LRBA: variants seen among roughly 807,000 people sequenced by gnomAD.
LRBA encodes lipopolysaccharide-responsive and beige-like anchor protein.
In LRBA, 176 loss-of-function variants were observed where a neutral mutation model predicts 330.0. The observed-to-expected ratio is 0.53, with a 90% CI of 0.47 to 0.60. LRBA has a LOEUF of 0.60. Among genes scored for constraint, LRBA ranks in the 20% least tolerant of loss-of-function variants. The pLI, the probability that LRBA is intolerant of heterozygous loss-of-function variation, is 0.00. For missense variants in LRBA, 3,259 were observed against 3,444.8 expected (o/e 0.95, Z 1.35); for synonymous variants, 1,230 against 1,193.0 (o/e 1.03, Z -0.64).
At chr4:150,566,823 T>G (rs1323474760) in intron 40 of LRBA, among the ~76,000 whole-genome samples, 1 of 152,104 alleles carries the variant, frequency 6.6e-6, no homozygotes, top group Non-Finnish European at 1.5e-5. Context: ...TAGAATGCCA[T>G]CATCTTCCGT....
At position 150,852,303 on chromosome 4, in the gene LRBA, G is replaced by A. The variant is rs113022115; in HGVS notation, c.3407C>T (p.Pro1136Leu). 8.4e-5 allele frequency: 136 copies of A among 1,613,978 alleles called. No homozygotes were observed. In the African/African-American group the frequency reaches 1.3e-3, roughly 16 times the overall value. ...TTTTTCACCGGCTTCAGATGCAGCT[G>A]GAGACAAACTGTTATCTTGGAGCTC... ...PTELQDNSLS[P>L]AASEAGEKLD... Residue 1136 changes from proline (P) to leucine (L), a missense_variant, in exon 23 of 57, where the codon CCA becomes CTA. By Grantham distance (98) the Pro-to-Leu change is moderately conservative (BLOSUM62 -3). Transcript: ENST00000651943.
intron 28 of LRBA, among the ~76,000 whole-genome samples, chr4:150,842,115 C>A (rs994133434): frequency 6.6e-6 from 1 of 152,074 alleles, no homozygotes; most frequent in African/African-American, 2.4e-5. Context: ...TTTCAGTAAT[C>A]ATATAGTAAA....
At chr4:150,680,399 C>T (rs1411180257) in intron 37 of LRBA, among the ~76,000 whole-genome samples, 5 of 152,194 alleles carry the variant, frequency 3.3e-5, no homozygotes, top group African/African-American at 9.6e-5. Context: ...CTGGTGTAAG[C>T]GAGATATTAA....
At chr4:150,572,338 A>G (rs1249960854) in intron 40 of LRBA, among the ~76,000 whole-genome samples, 1 of 152,098 alleles carries the variant, frequency 6.6e-6, no homozygotes, top group African/African-American at 2.4e-5. Flanking sequence ...AGAACATGTA[A>G]GAGGAGATTA....
intron 42 of LRBA, among the ~76,000 whole-genome samples, chr4:150,479,510 C>G (rs190047391): frequency 2.4e-4 from 37 of 152,196 alleles, no homozygotes; most frequent in Admixed American, 1.4e-3. Context: ...AAAGCATTAC[C>G]GGTATTGTAA....
chr4:150,856,034 A>G (rs1195684640), intron 22 of LRBA, among the ~76,000 whole-genome samples: 1 of 152,174 alleles, frequency 6.6e-6, no homozygotes, highest in African/African-American at 2.4e-5. Context: ...TATCAGAGGC[A>G]GTGTGTGCCA....
intron 36 of LRBA, among the ~76,000 whole-genome samples, chr4:150,703,743 T>C (rs1259145115): frequency 1.3e-5 from 2 of 151,946 alleles, no homozygotes; most frequent in Non-Finnish European, 2.9e-5. Flanking sequence ...ATACAGACCC[T>C]TACATAAGAA....
intron 2 of LRBA, among the ~76,000 whole-genome samples, chr4:150,932,331 G>T (rs1212666666): frequency 1.5e-5 from 2 of 130,112 alleles, no homozygotes; most frequent in African/African-American, 5.7e-5. Flanking sequence ...ATTTTTAAAA[G>T]AAAATATATC....
chr4:150,716,298 C>T (rs7683591), intron 36 of LRBA, among the ~76,000 whole-genome samples: 132,849 of 152,062 alleles, frequency 0.87, 58,582 homozygotes, highest in Non-Finnish European at 0.95. Context: ...AATACAAAAT[C>T]TAGCTGGGCG....
At chr4:150,597,239 T>C in intron 38 of LRBA, 1 of 429,022 alleles carries the variant, frequency 2.3e-6, no homozygotes, top group Non-Finnish European at 4.3e-6. Context: ...TAATAAATTC[T>C]TTTTTGTCAA....
chr4:150,950,665 A>G (rs777644997), intron 2 of LRBA, among the ~76,000 whole-genome samples: 15 of 152,254 alleles, frequency 9.9e-5, no homozygotes, highest in Admixed American at 2.0e-4. Context: ...AATGGAGATT[A>G]TATTAACAAT....
chr4:150,774,119 AT>A (rs1736946273), intron 34 of LRBA, among the ~76,000 whole-genome samples: 1 of 152,192 alleles, frequency 6.6e-6, no homozygotes, highest in Non-Finnish European at 1.5e-5. Flanking sequence ...TTCATGGAGC[AT>A]TTTGCCAACA....
At chr4:150,271,057 C>T (rs573749494) in intron 56 of LRBA, among the ~76,000 whole-genome samples, 36 of 152,246 alleles carry the variant, frequency 2.4e-4, no homozygotes, top group African/African-American at 8.7e-4. Flanking sequence ...CCACGGAGGG[C>T]AAGCCGAAGC....
At chr4:150,359,113 G>T (rs1351167730) in intron 47 of LRBA, among the ~76,000 whole-genome samples, 5 of 152,154 alleles carry the variant, frequency 3.3e-5, no homozygotes, top group Non-Finnish European at 5.9e-5. Context: ...ATTAAGTTCT[G>T]CCAGAGAATC....
chr4:150,584,319 T>G, intron 40 of LRBA: 1 of 478,160 alleles, frequency 2.1e-6, no homozygotes, highest in Non-Finnish European at 3.6e-6. Flanking sequence ...AGTGATCGTT[T>G]TCTTCCAAAC....
chr4:150,492,526 G>A (rs879803115), intron 40 of LRBA, among the ~76,000 whole-genome samples: 10 of 152,050 alleles, frequency 6.6e-5, no homozygotes, highest in Non-Finnish European at 1.5e-4. Flanking sequence ...CCACCAGTTG[G>A]TCTATGGCCC....
chr4:150,908,098 TATA>T lies in LRBA; in HGVS notation c.1493+233_1493+235del, dbSNP rs1731550438. 2.0e-5 allele frequency among the ~76,000 whole-genome samples: 3 copies of T among 152,338 alleles called. No individual in the cohort carries two copies. In the South Asian group the frequency reaches 6.2e-4, roughly 32 times the overall value. On this transcript the variant is annotated intron_variant, in intron 11 of 56. Coordinates refer to ENST00000651943, the MANE Select transcript of LRBA (RefSeq NM_001364905.1). Reference sequence around the variant, plus strand: ...TTTTGAGTAACCCATTATTGCCATTTATAATGTTATTCTAAAACCAATTTATTG... The same window carrying T: ...TTTTGAGTAACCCATTATTGCCATTTATGTTATTCTAAAACCAATTTATTG...
intron 37 of LRBA, among the ~76,000 whole-genome samples, chr4:150,682,512 C>T (rs1416174642): frequency 1.3e-5 from 2 of 152,110 alleles, no homozygotes; most frequent in African/African-American, 4.8e-5. Context: ...TCATTATATG[C>T]AAATATTCTT....
intron 36 of LRBA, among the ~76,000 whole-genome samples, chr4:150,704,299 C>T (rs1785398348): frequency 1.3e-5 from 2 of 151,788 alleles, no homozygotes; most frequent in Non-Finnish European, 2.9e-5. Flanking sequence ...GCCTAAAATG[C>T]TATGTGCCAA....
Sources: gnomAD v4.1 joint callset for allele counts (sites outside exome capture counted in the v4.1 genomes callset) on GRCh38, gnomAD v4.1.1 for gene constraint, MANE v1.5 for transcripts, NCBI Gene and HGNC (gene_info 2026-07-23, HGNC 2026-07-21) for gene names.